The following COL13A1 variants were observed in gnomAD, a reference collection of about 807,000 sequenced individuals.
The protein encoded by COL13A1 is collagen alpha-1(XIII) chain.
A neutral mutation model predicts 130.9 loss-of-function variants in COL13A1; 89 were observed. The ratio of observed to expected loss-of-function variants is 0.68; its 90% CI spans 0.57 to 0.81. The LOEUF (loss-of-function observed/expected upper bound fraction) is 0.81, where lower values mean the gene tolerates loss of function less well. Ranked by LOEUF, COL13A1 falls within the 30% of genes least tolerant of loss-of-function variation. The pLI is 0.00. For synonymous variants in COL13A1, 402 were observed against 341.6 expected, an observed-to-expected ratio of 1.18 and a Z score of -1.95; for missense variants, 879 against 934.6, an observed-to-expected ratio of 0.94 and a Z score of 0.78.
intron 2 of COL13A1, among the ~76,000 whole-genome samples, chr10:69,849,805 C>T (rs1223546992): frequency 1.3e-5 from 2 of 152,190 alleles, no homozygotes; most frequent in African/African-American, 4.8e-5. Context: ...TCCAGGCCTC[C>T]CCACCCGGTG....
At chr10:69,948,922 C>T (rs980926098) in intron 38 of COL13A1, among the ~76,000 whole-genome samples, 2 of 152,166 alleles carry the variant, frequency 1.3e-5, no homozygotes, top group African/African-American at 4.8e-5. Flanking sequence ...TTTCTATTCC[C>T]CTTCCCCTTC....
intron 7 of COL13A1, among the ~76,000 whole-genome samples, chr10:69,883,794 A>G (rs764792439): frequency 1.3e-5 from 2 of 152,308 alleles, no homozygotes; most frequent in African/African-American, 4.8e-5. Flanking sequence ...GACGTGGGAC[A>G]TGACCAGATT....
At chr10:69,880,703 T>C in intron 7 of COL13A1, 150 bp downstream of exon 7, 1 of 771,494 alleles carries the variant, frequency 1.3e-6, no homozygotes, top group South Asian at 1.6e-5. Flanking sequence ...CAGCCAGGCC[T>C]CGGGTGCCGA....
chr10:69,931,322 G>A (rs1030722931), intron 30 of COL13A1: 6 of 425,490 alleles, frequency 1.4e-5, no homozygotes, highest in African/African-American at 1.2e-4. Context: ...CCTCCTGGGG[G>A]CCACCAGCCT....
chr10:69,833,429 C>G (rs747918221), intron 2 of COL13A1, among the ~76,000 whole-genome samples: 45 of 152,328 alleles, frequency 3.0e-4, no homozygotes, highest in Non-Finnish European at 6.0e-4. Flanking sequence ...CATCAACAAG[C>G]AGCCTGGGTC....
intron 2 of COL13A1, among the ~76,000 whole-genome samples, chr10:69,827,829 G>C (rs1008411510): frequency 6.6e-6 from 1 of 152,036 alleles, no homozygotes; most frequent in African/African-American, 2.4e-5. Context: ...CATTTACATG[G>C]GCAGGACCTG....
chr10:69,872,100 G>A, intron 3 of COL13A1, 84 bp from the exon 4 acceptor site: 13 of 1,542,534 alleles, frequency 8.4e-6, no homozygotes, highest in Non-Finnish European at 1.1e-5. Context: ...GCATGCCAAG[G>A]TCACACAGCT....
At chr10:69,827,470 T>G (rs966655300) in intron 2 of COL13A1, among the ~76,000 whole-genome samples, 2 of 152,204 alleles carry the variant, frequency 1.3e-5, no homozygotes, top group African/African-American at 2.4e-5. Flanking sequence ...GCAGTGCCTC[T>G]GCCCTGGCTG....
intron 2 of COL13A1, among the ~76,000 whole-genome samples, chr10:69,853,238 G>A (rs1227633427): frequency 6.6e-6 from 1 of 152,188 alleles, no homozygotes; most frequent in Non-Finnish European, 1.5e-5. Flanking sequence ...TGGTCCTGCT[G>A]TTTCCATTTC....
chr10:69,819,830 T>G (rs757488170), intron 1 of COL13A1, among the ~76,000 whole-genome samples: 8 of 152,188 alleles, frequency 5.3e-5, no homozygotes, highest in Non-Finnish European at 1.0e-4. Flanking sequence ...CCTGCCTTAA[T>G]GACCTGCCTT....
At chr10:69,871,222 G>A (rs897545511) in intron 3 of COL13A1, among the ~76,000 whole-genome samples, 1 of 152,244 alleles carries the variant, frequency 6.6e-6, no homozygotes, top group South Asian at 2.1e-4. Flanking sequence ...GCAGTGCCTG[G>A]GCTGTCCTTG....
chr10:69,857,845 C>T (rs1390884774), intron 2 of COL13A1, among the ~76,000 whole-genome samples: 3 of 152,262 alleles, frequency 2.0e-5, no homozygotes, highest in South Asian at 2.1e-4. Context: ...TGGCTGGGCG[C>T]GGTGGCTCGT....
rs757804345 is a variant in COL13A1, at chr10:69,927,105, T to C, written c.1417T>C (p.Leu473=). Reference sequence around the variant, plus strand: ...TTTTTAGGAGATCCGGACGCTGGCCTTGATGGTAAGTTTTGCTCCTCCTGG... The same window carrying C: ...TTTTTAGGAGATCCGGACGCTGGCCCTGATGGTAAGTTTTGCTCCTCCTGG... The part of the protein sequence containing the change: ...EALQEIRTLA[L]MGPPGLPGQI... Residue 473 remains leucine (L), a synonymous_variant, in exon 27 of 41, where the codon TTG becomes CTG. Transcript: ENST00000645393. 8 of 1,613,842 alleles carry C rather than the reference T, an allele frequency of 5.0e-6. No individual in the cohort carries two copies. Among genetic ancestry groups the C allele is most frequent in the Non-Finnish European group, 6.8e-6 (8 of 1,179,840 alleles).
intron 2 of COL13A1, among the ~76,000 whole-genome samples, chr10:69,856,243 A>G (rs1011925078): frequency 2.6e-5 from 4 of 152,234 alleles, no homozygotes; most frequent in Non-Finnish European, 5.9e-5. Context: ...AGATCTGCCA[A>G]TAGTAGGTCT....
rs1428300072 is a variant in COL13A1, at chr10:69,802,492, C to T, written c.69C>T (p.Pro23=). The T allele has an allele frequency of 6.5e-7, 1 of 1,527,320 alleles. No homozygotes were observed. The highest frequency in any genetic ancestry group is 2.2e-5 in the Admixed American group (1 of 46,064). The allele number at this position is 1,527,320 out of a possible 1,614,324, so 94.6% of individuals were successfully genotyped here. The change falls in exon 1 of 41, where the codon CCC becomes CCT. Residue 23 remains proline (P), a synonymous_variant. Coordinates refer to ENST00000645393, the MANE Select transcript of COL13A1 (RefSeq NM_001368882.1). ...GCGGCCCTGGGGAGTTGGGCGCGCC[C>T]GGGACGGTGGCTCTGGTGGCGGCGC... is the stretch of plus-strand genomic sequence containing the variant. The part of the protein sequence containing the change: ...GARGPGELGA[P]GTVALVAARA...
chr10:69,958,772 T>C lies in COL13A1; in HGVS notation c.*71T>C. 20 of 1,598,840 alleles carry C rather than the reference T, an allele frequency of 1.3e-5. No homozygotes were observed. Among genetic ancestry groups the C allele is most frequent in the Non-Finnish European group, 1.6e-5 (19 of 1,173,340 alleles). ...TATTTATTTTTATACAGTTTTCACTTTTTGAAAATGCCAGAAGTATGATGC... is the reference window on the plus strand; with the variant it reads ...TATTTATTTTTATACAGTTTTCACTCTTTGAAAATGCCAGAAGTATGATGC... On this transcript the variant is annotated 3_prime_UTR_variant, in exon 41 of 41. Transcript: ENST00000645393.
At chr10:69,939,752 T>A (rs1020741352) in intron 34 of COL13A1, among the ~76,000 whole-genome samples, 1 of 152,232 alleles carries the variant, frequency 6.6e-6, no homozygotes, top group Admixed American at 6.5e-5. Context: ...CCCAGGCATC[T>A]GTTTTATTTA....
intron 7 of COL13A1, among the ~76,000 whole-genome samples, chr10:69,886,181 T>C (rs1007184659): frequency 9.2e-5 from 14 of 152,256 alleles, no homozygotes; most frequent in Non-Finnish European, 4.4e-5. Flanking sequence ...AAAGCAACCT[T>C]GCTCTATTCT....
At chr10:69,873,519 G>T (rs572199482) in intron 4 of COL13A1, among the ~76,000 whole-genome samples, 100 of 152,328 alleles carry the variant, frequency 6.6e-4, no homozygotes, top group African/African-American at 2.3e-3. Flanking sequence ...AGCAAGGGCT[G>T]CTGCACATAG....
Sources: allele counts gnomAD v4.1 joint callset (sites outside exome capture counted in the v4.1 genomes callset), GRCh38; gene constraint gnomAD v4.1.1; transcripts MANE v1.5; gene names NCBI Gene and HGNC (gene_info 2026-07-23, HGNC 2026-07-21).